Variants in RMDN2 observed in about 807,000 individuals in gnomAD.
RMDN2 encodes regulator of microtubule dynamics 2, also known as regulator of microtubule dynamics protein 2.
Under a neutral mutation model 52.8 loss-of-function variants are expected in RMDN2, and 61 were observed. The observed-to-expected ratio is 1.16, with a 90% CI of 0.94 to 1.43. The LOEUF is 1.43. RMDN2 is among the 40% of genes most tolerant of loss of function. RMDN2 has a pLI of 0.00. For synonymous variants in RMDN2, 180 were observed against 153.1 expected, an observed-to-expected ratio of 1.18 and a Z score of -1.30; for missense variants, 592 against 475.3, an observed-to-expected ratio of 1.25 and a Z score of -2.28.
intron 2 of RMDN2, chr2:37,950,154 A>G (rs115649943): frequency 7.5e-4 from 153 of 204,532 alleles, no homozygotes; most frequent in African/African-American, 3.5e-3. Context: ...GTTCAAGTGA[A>G]AGAAGAAGGA....
At chr2:37,966,398 CAG>C (rs1332412976) in intron 2 of RMDN2, among the ~76,000 whole-genome samples, 2 of 150,186 alleles carry the variant, frequency 1.3e-5, no homozygotes, top group African/African-American at 2.5e-5. Flanking sequence ...GCCTGGGCAA[CAG>C]AGTGAGGCTC....
intron 8 of RMDN2, among the ~76,000 whole-genome samples, chr2:38,001,895 A>G (rs182714077): frequency 6.6e-6 from 1 of 152,320 alleles, no homozygotes; most frequent in African/African-American, 2.4e-5. Flanking sequence ...GAAGAACCAG[A>G]ATCCATGGAT....
At chr2:37,970,280 G>C (rs1671621031) in intron 2 of RMDN2, among the ~76,000 whole-genome samples, 1 of 151,820 alleles carries the variant, frequency 6.6e-6, no homozygotes, top group Admixed American at 6.6e-5. Context: ...GGAATTTATT[G>C]GAAAAAAAAA....
chr2:38,040,111 G>T (rs1006195850), intron 10 of RMDN2, among the ~76,000 whole-genome samples: 4 of 148,642 alleles, frequency 2.7e-5, no homozygotes, highest in African/African-American at 9.8e-5. Context: ...AATTTTTCCA[G>T]TACTACTTGT....
At chr2:37,926,587 T>C (rs1666298793) in intron 1 of RMDN2, among the ~76,000 whole-genome samples, 1 of 144,578 alleles carries the variant, frequency 6.9e-6, no homozygotes, top group Admixed American at 6.7e-5. Context: ...TTGGTAAAGT[T>C]TTTAATTACT....
chr2:37,948,124 A>T (rs535089597), intron 2 of RMDN2, among the ~76,000 whole-genome samples: 7 of 152,190 alleles, frequency 4.6e-5, no homozygotes. Context: ...CAACATCAGC[A>T]TCCAGTCTTG....
chr2:37,951,771 A>G, intron 2 of RMDN2: 1 of 1,613,332 alleles, frequency 6.2e-7, no homozygotes, highest in Non-Finnish European at 8.5e-7. Context: ...TAACACTAAA[A>G]ATTTTAAGAA....
At chr2:37,928,969 A>C in intron 1 of RMDN2, 1 of 187,392 alleles carries the variant, frequency 5.3e-6, no homozygotes, top group Non-Finnish European at 1.1e-5. Context: ...TTTTATCTCT[A>C]TTATTGTCTT....
intron 10 of RMDN2, among the ~76,000 whole-genome samples, chr2:38,049,069 T>G (rs1387581838): frequency 1.3e-5 from 2 of 152,176 alleles, no homozygotes; most frequent in Non-Finnish European, 2.9e-5. Flanking sequence ...TATTTTCTAG[T>G]CTGTAGAATA....
chr2:37,927,655 G>C (rs76725684), intron 1 of RMDN2, among the ~76,000 whole-genome samples: 5,379 of 152,252 alleles, frequency 0.035, 298 homozygotes, highest in African/African-American at 0.12. Flanking sequence ...CTATATCAGC[G>C]AATGGACATC....
intron 10 of RMDN2, among the ~76,000 whole-genome samples, chr2:38,005,877 G>T (rs1045976514): frequency 1.3e-5 from 2 of 152,120 alleles, no homozygotes; most frequent in Non-Finnish European, 1.5e-5. Context: ...ATTAATTTTT[G>T]TATAAGGTGT....
intron 10 of RMDN2, among the ~76,000 whole-genome samples, chr2:38,012,422 A>G (rs1678131378): frequency 6.6e-6 from 1 of 152,202 alleles, no homozygotes. Context: ...TATAATAAGC[A>G]CTCAGTAAGT....
intron 1 of RMDN2, among the ~76,000 whole-genome samples, chr2:37,926,013 T>C (rs1390995209): frequency 6.6e-6 from 1 of 152,210 alleles, no homozygotes; most frequent in Non-Finnish European, 1.5e-5. Context: ...ACAATAGAAT[T>C]CACTTCGAAA....
intron 7 of RMDN2, among the ~76,000 whole-genome samples, chr2:37,992,225 G>A (rs547400466): frequency 6.6e-6 from 1 of 152,268 alleles, no homozygotes; most frequent in African/African-American, 2.4e-5. Context: ...CAATGAAAGA[G>A]GCAGCATTGA....
At chr2:37,950,287 C>G (rs967859364) in intron 2 of RMDN2, 1 of 558,024 alleles carries the variant, frequency 1.8e-6, no homozygotes, top group African/African-American at 1.9e-5. Flanking sequence ...AGCTGTTTTC[C>G]CACCCCTGGA....
rs559564737 is a variant in RMDN2 at position 37,937,913 on chromosome 2, C to G, written c.452+8184C>G. ...TCTTTCCTGATTGCTCTGGGCAGAA[C>G]TTCCAGTGCTATGTTGAATAGGAGT... On this transcript the variant is annotated intron_variant, in intron 2 of 10. Coordinates refer to ENST00000354545, the MANE Select transcript of RMDN2 (RefSeq NM_001170791.3). Among the ~76,000 whole-genome samples the G allele has an allele frequency of 5.3e-4, 80 of 152,340 alleles. 1 individual carries two copies. Among genetic ancestry groups the G allele is most frequent in the Non-Finnish European group, 9.6e-4 (65 of 68,028 alleles).
upstream of RMDN2, among the ~76,000 whole-genome samples, chr2:37,923,859 C>T (rs992602393): frequency 2.0e-5 from 3 of 152,182 alleles, no homozygotes; most frequent in African/African-American, 7.2e-5. Context: ...AAGCAATTCT[C>T]ATGCCTTAAC....
chr2:38,006,414 C>A, intron 10 of RMDN2, among the ~76,000 whole-genome samples: 1 of 152,158 alleles, frequency 6.6e-6, no homozygotes, highest in East Asian at 1.9e-4. Context: ...CGAAGAGGTC[C>A]TTCACGTCCC....
chr2:37,991,804 A>G (rs1207256506), intron 7 of RMDN2, among the ~76,000 whole-genome samples: 2 of 152,190 alleles, frequency 1.3e-5, no homozygotes, highest in Non-Finnish European at 2.9e-5. Context: ...GCTTTTAAGG[A>G]ACTTAATTTG....
Sources: gnomAD v4.1 joint callset for allele counts (sites outside exome capture counted in the v4.1 genomes callset) on GRCh38, gnomAD v4.1.1 for gene constraint, MANE v1.5 for transcripts, NCBI Gene and HGNC (gene_info 2026-07-23, HGNC 2026-07-21) for gene names.